Variants in FERMT1 observed in about 807,000 individuals in gnomAD.
FERMT1 encodes the protein fermitin family homolog 1.
FERMT1 carries 60 observed loss-of-function variants against 85.3 expected under a neutral mutation model. That is an observed-to-expected ratio of 0.70 (90% CI 0.57 to 0.87). The LOEUF is 0.87. Among genes scored for constraint, FERMT1 ranks in the 40% least tolerant of loss-of-function variants. The probability of loss-of-function intolerance (pLI) is 0.00; values close to 1 mark genes in which losing one functional copy is unlikely to be tolerated. For synonymous variants in FERMT1, 275 were observed against 301.1 expected (o/e 0.91, Z 0.90); for missense variants, 701 against 818.9 (o/e 0.86, Z 1.76).
intron 6 of FERMT1, among the ~76,000 whole-genome samples, chr20:6,105,440 C>T (rs968098585): frequency 4.6e-5 from 7 of 152,212 alleles, no homozygotes; most frequent in Non-Finnish European, 8.8e-5. Flanking sequence ...TAAACCACAG[C>T]ATTGCAGAGT....
At chr20:6,085,707 G>C (rs1380251293) in intron 11 of FERMT1, among the ~76,000 whole-genome samples, 3 of 152,062 alleles carry the variant, frequency 2.0e-5, no homozygotes, top group African/African-American at 7.3e-5. Context: ...AAAATTAGCT[G>C]TGCGTAGTGG....
At chr20:6,115,197 C>G (rs1356031633) in intron 3 of FERMT1, among the ~76,000 whole-genome samples, 1 of 152,060 alleles carries the variant, frequency 6.6e-6, no homozygotes, top group South Asian at 2.1e-4. Flanking sequence ...AATGAGAATA[C>G]CTTCATGGGG....
intron 13 of FERMT1, among the ~76,000 whole-genome samples, chr20:6,081,336 A>G (rs1204088001): frequency 6.6e-6 from 1 of 152,088 alleles, no homozygotes; most frequent in African/African-American, 2.4e-5. Flanking sequence ...AAGATGAGAA[A>G]GAACCAGCCA....
In FERMT1 at chr20:6,117,435, ATT is replaced by A. The variant is rs200977686; in HGVS notation, c.152-1393_152-1392del. 3.9e-3 allele frequency among the ~76,000 whole-genome samples: 486 copies of A among 124,734 alleles called. 12 individuals are homozygous for A. The highest frequency in any genetic ancestry group is 0.012 in the Middle Eastern group (3 of 246). 81.8% of individuals were successfully genotyped at this position (124,734 alleles called of 152,430 possible). Reference sequence around the variant, plus strand: ...AGGTGCGCACCACCATGTCAGTCTAATTTTTTTTTTTTTTTTGAGATGGAGTC... The same window carrying A: ...AGGTGCGCACCACCATGTCAGTCTAATTTTTTTTTTTTTTGAGATGGAGTC... On this transcript the variant is annotated intron_variant, in intron 2 of 14. Coordinates refer to ENST00000217289, the MANE Select transcript of FERMT1 (RefSeq NM_017671.5).
chr20:6,103,625 T>C (rs1197222832), intron 6 of FERMT1, among the ~76,000 whole-genome samples: 1 of 152,204 alleles, frequency 6.6e-6, no homozygotes, highest in Non-Finnish European at 1.5e-5. Context: ...TCATTTTCTA[T>C]GAACTATATA....
intron 6 of FERMT1, among the ~76,000 whole-genome samples, chr20:6,103,571 T>C (rs1373380289): frequency 1.3e-5 from 2 of 152,284 alleles, no homozygotes; most frequent in Non-Finnish European, 2.9e-5. Flanking sequence ...CTTGCCAAGA[T>C]AGTATGTAAC....
At chr20:6,083,452 C>T (rs1483943517) in intron 13 of FERMT1, among the ~76,000 whole-genome samples, 2 of 151,992 alleles carry the variant, frequency 1.3e-5, no homozygotes, top group African/African-American at 4.8e-5. Context: ...ACAGAGCTTG[C>T]GGGGACCTCT....
intron 9 of FERMT1, among the ~76,000 whole-genome samples, chr20:6,092,636 A>G (rs1391873067): frequency 6.6e-6 from 1 of 152,104 alleles, no homozygotes; most frequent in East Asian, 1.9e-4. Flanking sequence ...AACCCCATGC[A>G]AGGATGAACT....
At chr20:6,097,771 T>A in intron 6 of FERMT1, 140 bp from the exon 7 acceptor site, 2 of 720,336 alleles carry the variant, frequency 2.8e-6, no homozygotes, top group Non-Finnish European at 5.1e-6. Context: ...AATACTTCTA[T>A]TGTGCCATAT....
chr20:6,094,880 C>T (rs1470074158), intron 9 of FERMT1, 59 bp downstream of exon 9: 1 of 976,824 alleles, frequency 1.0e-6, no homozygotes. Flanking sequence ...AACTCCTGCA[C>T]TCTTTATCTT....
At chr20:6,113,203 C>T (rs1000498261) in intron 3 of FERMT1, among the ~76,000 whole-genome samples, 13 of 152,276 alleles carry the variant, frequency 8.5e-5, no homozygotes, top group Admixed American at 5.9e-4. Context: ...TTGCCTGCTG[C>T]CATCCATGTA....
At chr20:6,121,132 GT>G (rs973130253) in intron 1 of FERMT1, among the ~76,000 whole-genome samples, 2 of 151,792 alleles carry the variant, frequency 1.3e-5, no homozygotes, top group Admixed American at 6.6e-5. Context: ...TTTTGTTTTT[GT>G]TTTTTTTGAG....
rs181224413 is a variant in FERMT1 at position 6,100,297 on chromosome 20, G to C, written c.850-2666C>G. ...ATATGATACATGCTACAATAGGAAT[G>C]AATGAATGAATTCTGAAAATACTAT... is the stretch of plus-strand genomic sequence containing the variant. On this transcript the variant is annotated intron_variant, in intron 6 of 14. Transcript: ENST00000217289. Among the ~76,000 whole-genome samples, 814 of 152,260 alleles carry C rather than the reference G, an allele frequency of 5.3e-3. 8 individuals carry two copies. The highest frequency in any genetic ancestry group is 0.019 in the African/African-American group (784 of 41,558).
intron 2 of FERMT1, among the ~76,000 whole-genome samples, chr20:6,117,188 T>C (rs978515033): frequency 1.3e-5 from 2 of 152,240 alleles, no homozygotes; most frequent in African/African-American, 4.8e-5. Flanking sequence ...ATTTTCAATC[T>C]TTTATTTTGC....
intron 13 of FERMT1, among the ~76,000 whole-genome samples, chr20:6,082,996 G>A (rs1190445322): frequency 1.3e-5 from 2 of 152,128 alleles, no homozygotes; most frequent in East Asian, 3.9e-4. Flanking sequence ...AGAAGTAATG[G>A]AGGAATGGAG....
At chr20:6,085,695 C>T (rs1010577180) in intron 11 of FERMT1, among the ~76,000 whole-genome samples, 11 of 151,860 alleles carry the variant, frequency 7.2e-5, no homozygotes, top group African/African-American at 2.2e-4. Flanking sequence ...ACTAAAAATA[C>T]AAAAATTAGC....
At position 6,075,374 on chromosome 20, in the gene FERMT1, A is replaced by T. The variant is rs1343766097; in HGVS notation, c.*1799T>A. ...ATAATAGAACTGAGAAATAGGACTG[A>T]GAAATGACCAACATCAAGTATATAC... On this transcript the variant is annotated 3_prime_UTR_variant, in exon 15 of 15. Transcript: ENST00000217289. 1.2e-5 allele frequency: 1 copy of T among 82,546 alleles called. No individual in the cohort carries two copies. The highest frequency in any genetic ancestry group is 2.3e-5 in the Non-Finnish European group (1 of 43,726). 5.1% of individuals were successfully genotyped at this position (82,546 alleles called of 1,614,324 possible). A position where few individuals can be genotyped will look rare whatever the true frequency, so the allele number is the denominator to read the frequency against.
intron 2 of FERMT1, among the ~76,000 whole-genome samples, 186 bp from the exon 3 acceptor site, chr20:6,116,230 A>G (rs1000542275): frequency 2.0e-5 from 3 of 152,142 alleles, no homozygotes; most frequent in African/African-American, 7.2e-5. Context: ...CAGGGAAAAA[A>G]TAGGGACTGG....
chr20:6,110,477 AG>A lies in FERMT1; in HGVS notation c.566del (p.Pro189LeufsTer15). On this transcript the variant is annotated frameshift_variant, in exon 5 of 15. Coordinates refer to ENST00000217289, the MANE Select transcript of FERMT1 (RefSeq NM_017671.5). LOFTEE classifies it high-confidence loss of function. Reference protein sequence around the residue: ...SPGLYSKTMTPIYDPINGTPA... With the variant: ...SPGLYSKTMTXIYDPINGTPA... ...GTGTTCCATTGATGGGGTCATATAT[AG>A]GGGTCATGGTTTTACTGTATAAACC... 1 of 1,614,170 alleles carries A rather than the reference AG, an allele frequency of 6.2e-7. No individual in the cohort carries two copies. The highest frequency in any genetic ancestry group is 1.1e-5 in the South Asian group (1 of 91,088).
Sources: allele counts gnomAD v4.1 joint callset (sites outside exome capture counted in the v4.1 genomes callset), GRCh38; gene constraint gnomAD v4.1.1; transcripts MANE v1.5; gene names NCBI Gene and HGNC (gene_info 2026-07-23, HGNC 2026-07-21).